Variants in NR3C1 observed in about 807,000 individuals in gnomAD.
NR3C1 encodes nuclear receptor subfamily 3 group C member 1, also known as glucocorticoid receptor.
NR3C1 carries 14 observed loss-of-function variants against 74.0 expected under a neutral mutation model. The ratio of observed to expected loss-of-function variants is 0.19; its 90% CI spans 0.12 to 0.30. The LOEUF is 0.30. NR3C1 is among the 10% of genes least tolerant of loss of function. The probability of loss-of-function intolerance (pLI) is 1.00; values close to 1 mark genes in which losing one functional copy is unlikely to be tolerated. For missense variants in NR3C1, 695 were observed against 909.8 expected, an observed-to-expected ratio of 0.76 and a Z score of 3.04; for synonymous variants, 308 against 332.5, an observed-to-expected ratio of 0.93 and a Z score of 0.80.
intron 2 of NR3C1, among the ~76,000 whole-genome samples, chr5:143,361,320 A>T (rs1418506793): frequency 6.6e-6 from 1 of 152,212 alleles, no homozygotes; most frequent in Non-Finnish European, 1.5e-5. Flanking sequence ...GGAAATAAAA[A>T]ATTAATTGCC....
chr5:143,403,445 T>TC lies in NR3C1; in HGVS notation c.-249dup. On this transcript the variant is annotated 5_prime_UTR_variant, in exon 1 of 9. Coordinates refer to ENST00000394464, the MANE Select transcript of NR3C1 (RefSeq NM_000176.3). ...TCCGCCCCGCGCCGGGCTCCGCGGG[T>TC]CGAGGTTCCGGGCGCGCGTGCCCCG... 3.8e-6 allele frequency: 3 copies of TC among 785,876 alleles called. No individual in the cohort carries two copies. Among genetic ancestry groups the TC allele is most frequent in the Non-Finnish European group, 4.2e-6 (3 of 713,262 alleles). 48.7% of individuals were successfully genotyped at this position (785,876 alleles called of 1,614,324 possible). A position where few individuals can be genotyped will look rare whatever the true frequency, so the allele number is the denominator to read the frequency against.
chr5:143,400,885 C>CA (rs1170507779), intron 1 of NR3C1, 33 bp from the exon 2 acceptor site: 5 of 1,498,044 alleles, frequency 3.3e-6, no homozygotes, highest in Non-Finnish European at 4.6e-6. Context: ...GGGGGGAAAA[C>CA]ATCATAAGCT....
chr5:143,403,094 C>CCCCCCG, intron 1 of NR3C1, 117 bp downstream of exon 1: 1 of 871,604 alleles, frequency 1.1e-6, no homozygotes, highest in Non-Finnish European at 1.4e-6. Context: ...CCCACCCCCA[C>CCCCCCG]TCCCCGAGGC....
At chr5:143,336,067 A>G (rs1827067714) in intron 2 of NR3C1, among the ~76,000 whole-genome samples, 1 of 152,246 alleles carries the variant, frequency 6.6e-6, no homozygotes, top group Non-Finnish European at 1.5e-5. Flanking sequence ...TCTCTTGATT[A>G]GTAAGAATGT....
intron 2 of NR3C1, among the ~76,000 whole-genome samples, chr5:143,384,909 T>G (rs939913510): frequency 1.3e-5 from 2 of 152,260 alleles, no homozygotes; most frequent in African/African-American, 2.4e-5. Flanking sequence ...TAACCCCATG[T>G]ATCTCCTCTG....
At position 143,346,519 on chromosome 5, in the gene NR3C1, G is replaced by A. The variant is rs564905383; in HGVS notation, c.1185-32351C>T. The stretch of plus-strand genomic sequence containing the variant: ...ACTTTATTTTGACAAAGGTATAGGG[G>A]CCTTGAAAATATATAGGAAATTAGA... On this transcript the variant is annotated intron_variant, in intron 2 of 8. Coordinates refer to ENST00000394464, the MANE Select transcript of NR3C1 (RefSeq NM_000176.3). Among the ~76,000 whole-genome samples, 4 of 152,248 alleles carry A rather than the reference G, an allele frequency of 2.6e-5. No homozygotes were observed. In the East Asian group the frequency reaches 7.7e-4, roughly 29 times the overall value.
At chr5:143,420,182 C>A (rs2151959129) in intron 1 of NR3C1, among the ~76,000 whole-genome samples, 1 of 152,252 alleles carries the variant, frequency 6.6e-6, no homozygotes, top group Middle Eastern at 3.4e-3. Context: ...AACACACATG[C>A]TCTACAATTT....
chr5:143,354,865 G>A (rs1387826579), intron 2 of NR3C1, among the ~76,000 whole-genome samples: 1 of 150,550 alleles, frequency 6.6e-6, no homozygotes, highest in Non-Finnish European at 1.5e-5. Flanking sequence ...AGAGGTTGCT[G>A]TGAGCCAAGA....
intron 1 of NR3C1, among the ~76,000 whole-genome samples, chr5:143,413,035 C>T (rs76910032): frequency 0.035 from 5,275 of 152,250 alleles, 248 homozygotes; most frequent in African/African-American, 0.1. Context: ...ACAATTCCTT[C>T]AACAAAATAG....
intron 2 of NR3C1, among the ~76,000 whole-genome samples, chr5:143,364,529 A>T (rs1832862290): frequency 6.6e-6 from 1 of 152,202 alleles, no homozygotes; most frequent in Non-Finnish European, 1.5e-5. Context: ...TTTTCTCCGT[A>T]TCGGATTCTA....
chr5:143,404,153 G>T, upstream of NR3C1: 1 of 985,458 alleles, frequency 1.0e-6, no homozygotes, highest in Non-Finnish European at 1.2e-6. Flanking sequence ...ACAGCGGGCG[G>T]GCCACAAGAG....
chr5:143,308,074 T>C (rs1001693261), intron 4 of NR3C1, among the ~76,000 whole-genome samples: 4 of 152,194 alleles, frequency 2.6e-5, no homozygotes, highest in Admixed American at 1.3e-4. Context: ...ATTAGACTCT[T>C]CATAGTCATA....
chr5:143,354,118 C>T (rs931076925), intron 2 of NR3C1, among the ~76,000 whole-genome samples: 2 of 152,230 alleles, frequency 1.3e-5, no homozygotes, highest in African/African-American at 4.8e-5. Flanking sequence ...TCTTCTGCAG[C>T]TTTCTCACCT....
intron 1 of NR3C1, among the ~76,000 whole-genome samples, chr5:143,430,547 G>A (rs753024421): frequency 6.6e-6 from 1 of 152,342 alleles, no homozygotes; most frequent in East Asian, 1.9e-4. Context: ...TAGGGCCTTT[G>A]TAAGTAATTA....
intron 2 of NR3C1, among the ~76,000 whole-genome samples, chr5:143,336,170 T>C (rs1476658440): frequency 1.3e-5 from 2 of 152,238 alleles, no homozygotes; most frequent in African/African-American, 2.4e-5. Context: ...TCAAGTATGA[T>C]GATATAATCT....
chr5:143,399,336 CATT>C (rs1839817425), intron 2 of NR3C1, among the ~76,000 whole-genome samples: 1 of 152,140 alleles, frequency 6.6e-6, no homozygotes, highest in East Asian at 1.9e-4. Flanking sequence ...TATTATGAGA[CATT>C]ATACTCTCCT....
At chr5:143,427,025 C>A (rs527572490) in intron 1 of NR3C1, among the ~76,000 whole-genome samples, 1 of 152,280 alleles carries the variant, frequency 6.6e-6, no homozygotes, top group South Asian at 2.1e-4. Flanking sequence ...AGGTCTTTTT[C>A]TTCATTTCTG....
In NR3C1 at chr5:143,279,405, T is replaced by C. The variant is rs1562675573; in HGVS notation, c.*2484A>G. 3 of 1,539,438 alleles carry C rather than the reference T, an allele frequency of 1.9e-6. No homozygotes were observed. Among genetic ancestry groups the C allele is most frequent in the South Asian group, 2.5e-5 (2 of 79,694 alleles). On this transcript the variant is annotated 3_prime_UTR_variant, in exon 9 of 9. Coordinates refer to ENST00000394464, the MANE Select transcript of NR3C1 (RefSeq NM_000176.3). ...GATGTGCTTTCTGGTTTTAACCACA[T>C]AACATTCTATAAAGGAATGATAATC...
At chr5:143,363,101 G>A (rs1318675793) in intron 2 of NR3C1, among the ~76,000 whole-genome samples, 1 of 152,174 alleles carries the variant, frequency 6.6e-6, no homozygotes, top group Non-Finnish European at 1.5e-5. Context: ...CTGCCCTAAT[G>A]CATACACAGA....
Sources: gnomAD v4.1 joint callset for allele counts (sites outside exome capture counted in the v4.1 genomes callset) on GRCh38, gnomAD v4.1.1 for gene constraint, MANE v1.5 for transcripts, NCBI Gene and HGNC (gene_info 2026-07-23, HGNC 2026-07-21) for gene names.